MUC4: variants seen among roughly 807,000 people sequenced by gnomAD.
MUC4 encodes mucin 4, cell surface associated.
A neutral mutation model predicts 257.9 loss-of-function variants in MUC4; 202 were observed. The observed-to-expected ratio is 0.78, with a 90% CI of 0.70 to 0.88. The LOEUF (loss-of-function observed/expected upper bound fraction) is 0.88, where lower values mean the gene tolerates loss of function less well. Ranked by LOEUF, MUC4 falls within the 40% of genes least tolerant of loss-of-function variation. The pLI is 0.00. For missense variants in MUC4, 5,976 were observed against 6,513.7 expected (o/e 0.92, Z 2.84); for synonymous variants, 2,351 against 2,757.1 (o/e 0.85, Z 4.62).
rs752373440 is a variant in MUC4, at chr3:195,780,010, A to G, written c.11570T>C (p.Leu3857Pro). Reference sequence around the variant, plus strand: ...TGCTGAGGAAGGGCTAGTGACAGGAAGAGGCATGGTGTCACCTGTGGATAC... The same window carrying G: ...TGCTGAGGAAGGGCTAGTGACAGGAGGAGGCATGGTGTCACCTGTGGATAC... ...SSVSTGDTMP[L>P]PVTSPSSAST... The change falls in exon 2 of 25, where the codon CTT (leucine) becomes CCT (proline). Residue 3857 changes from leucine to proline, a missense_variant. Leu to Pro is a moderately conservative substitution (Grantham distance 98). Coordinates refer to ENST00000463781, the MANE Select transcript of MUC4 (RefSeq NM_018406.7). 6 of 1,350,638 alleles carry G rather than the reference A, an allele frequency of 4.4e-6. No homozygotes were observed. The highest frequency in any genetic ancestry group is 4.6e-5 in the Admixed American group (2 of 43,176). The allele number at this position is 1,350,638 out of a possible 1,614,324, so 83.7% of individuals were successfully genotyped here.
intron 13 of MUC4, 63 bp from the exon 14 acceptor site, chr3:195,762,317 C>T (rs1719172753): frequency 2.0e-6 from 3 of 1,488,288 alleles, no homozygotes; most frequent in Non-Finnish European, 1.8e-6. Flanking sequence ...ACCAAACCCG[C>T]GCCCTGCCGG....
At chr3:195,769,559 C>G (rs1183973638) in intron 6 of MUC4, 2 of 194,548 alleles carry the variant, frequency 1.0e-5, no homozygotes, top group East Asian at 2.5e-4. Flanking sequence ...TCCATCTAAA[C>G]AGCATGGATG....
At chr3:195,761,624 C>T (rs947916323) in intron 14 of MUC4, 39 bp from the exon 15 acceptor site, 4 of 1,494,002 alleles carry the variant, frequency 2.7e-6, no homozygotes, top group Non-Finnish European at 2.8e-6. Context: ...CCTGGGCACG[C>T]GGCTGTCCCC....
intron 3 of MUC4, among the ~76,000 whole-genome samples, chr3:195,775,096 C>A (rs1347412359): frequency 6.6e-6 from 1 of 152,000 alleles, no homozygotes; most frequent in East Asian, 1.9e-4. Flanking sequence ...ATATTTCTCG[C>A]AGCTGCCGAC....
At chr3:195,809,113 AC>A (rs1736369436) in intron 1 of MUC4, among the ~76,000 whole-genome samples, 1 of 152,022 alleles carries the variant, frequency 6.6e-6, no homozygotes, top group Admixed American at 6.5e-5. Flanking sequence ...GCCTGGGGCG[AC>A]CAGTAGACAC....
chr3:195,766,617 G>T (rs571995901), intron 8 of MUC4, 46 bp downstream of exon 8: 6 of 1,557,416 alleles, frequency 3.9e-6, no homozygotes, highest in Admixed American at 1.7e-5. Context: ...TGGAGGACAC[G>T]CGAGGGCTTG....
chr3:195,778,398 G>A lies in MUC4; in HGVS notation c.12848C>T (p.Pro4283Leu), dbSNP rs1329578778. Residue 4283 changes from proline (P) to leucine (L), a missense_variant, in exon 3 of 25, where the codon CCC becomes CTC. Physicochemically the swap from Pro to Leu is moderately conservative, Grantham distance 98 (BLOSUM62 -3). Coordinates refer to ENST00000463781, the MANE Select transcript of MUC4 (RefSeq NM_018406.7). ...DGGRRTATSP[P>L]PTTSQTIIST... ...AATGATGGTCTGGGAGGTTGTGGGG[G>A]GTGGTGATGTGGCTGTGCGTCTCCC... 6.2e-7 allele frequency: 1 copy of A among 1,613,234 alleles called. No individual in the cohort carries two copies. The highest frequency in any genetic ancestry group is 1.7e-5 in the Admixed American group (1 of 59,954).
chr3:195,808,757 C>T (rs571348550), intron 1 of MUC4, among the ~76,000 whole-genome samples: 1 of 152,310 alleles, frequency 6.6e-6, no homozygotes, highest in African/African-American at 2.4e-5. Flanking sequence ...CTGGCAGGAC[C>T]TCTTGTCCAG....
At position 195,759,261 on chromosome 3, in the gene MUC4, T is replaced by C; in HGVS notation, c.14849A>G (p.Asn4950Ser). Residue 4950 changes from asparagine (N) to serine (S), a missense_variant and splice_region_variant, in exon 17 of 25, where the codon AAT (asparagine) becomes AGT (serine). By Grantham distance (46) the Asn-to-Ser change is conservative. Coordinates refer to ENST00000463781, the MANE Select transcript of MUC4 (RefSeq NM_018406.7). ...ACCATTGATGGAGGGCGGGTACTGATCTGAAACACAAAGAGGGAATGGGGG... is the reference window on the plus strand; with the variant it reads ...ACCATTGATGGAGGGCGGGTACTGACCTGAAACACAAAGAGGGAATGGGGG... ...KNYEQANATL[N>S]QYPPSINGGR... 1 of 1,613,806 alleles carries C rather than the reference T, an allele frequency of 6.2e-7. No individual in the cohort carries two copies. The highest frequency in any genetic ancestry group is 8.5e-7 in the Non-Finnish European group (1 of 1,179,886).
chr3:195,755,051 C>T lies in MUC4; in HGVS notation c.15169-679G>A, dbSNP rs773099148. Reference sequence around the variant, plus strand: ...ATTTATTTTGAGACAGGGTCCCACTCGGTTGCCCAGGCTGGAGTGCAATGT... The same window carrying T: ...ATTTATTTTGAGACAGGGTCCCACTTGGTTGCCCAGGCTGGAGTGCAATGT... On this transcript the variant is annotated intron_variant, in intron 18 of 24. Coordinates refer to ENST00000463781, the MANE Select transcript of MUC4 (RefSeq NM_018406.7). The surrounding 1 kb of genome is among the most constrained non-coding windows in gnomAD (Gnocchi z 5.0). 1.3e-5 allele frequency among the ~76,000 whole-genome samples: 2 copies of T among 151,994 alleles called. No homozygotes were observed. The highest frequency in any genetic ancestry group is 2.9e-5 in the Non-Finnish European group (2 of 68,018).
intron 16 of MUC4, among the ~76,000 whole-genome samples, chr3:195,760,348 A>G (rs1718509468): frequency 6.6e-6 from 1 of 152,194 alleles, no homozygotes; most frequent in Non-Finnish European, 1.5e-5. Flanking sequence ...GTGGCTGTCC[A>G]GGGAAGGAAG....
rs867387682 is a variant in MUC4, at chr3:195,773,161, T to C, written c.13077+1011A>G. Among the ~76,000 whole-genome samples the C allele has an allele frequency of 1.3e-3, 176 of 133,500 alleles. 1 individual carries two copies. The highest frequency in any genetic ancestry group is 1.7e-3 in the Admixed American group (22 of 13,038). The allele number at this position is 133,500 out of a possible 152,430, so 87.6% of individuals were successfully genotyped here. A position where few individuals can be genotyped will look rare whatever the true frequency, so the allele number is the denominator to read the frequency against. On this transcript the variant is annotated intron_variant, in intron 4 of 24. Coordinates refer to ENST00000463781, the MANE Select transcript of MUC4 (RefSeq NM_018406.7). ...CCATCGCTCAGGGGTGTAGACACCC[T>C]CTCTCCATCGCTCAGGGGTGCAGAC...
At position 195,800,861 on chromosome 3, in the gene MUC4, C is replaced by A. The variant is rs935798976; in HGVS notation, c.83-9364G>T. On this transcript the variant is annotated intron_variant, in intron 1 of 24. Transcript: ENST00000463781. ...CTTGAGGCCAGGAGTTTGAGACCAG[C>A]CTGGGCAATAGCTCAAGACCCCTTC... 4.1e-5 allele frequency among the ~76,000 whole-genome samples: 6 copies of A among 145,878 alleles called. No homozygotes were observed. In the Admixed American group the frequency reaches 4.2e-4, roughly 10 times the overall value.
At chr3:195,800,070 G>A (rs1735101365) in intron 1 of MUC4, among the ~76,000 whole-genome samples, 1 of 152,092 alleles carries the variant, frequency 6.6e-6, no homozygotes, top group Admixed American at 6.6e-5. Flanking sequence ...TTGAGGTCAG[G>A]AGTTCAAGAC....
At chr3:195,770,783 C>A in intron 5 of MUC4, 1 of 446,988 alleles carries the variant, frequency 2.2e-6, no homozygotes, top group Non-Finnish European at 4.5e-6. Context: ...ACACTTCCTG[C>A]AGTAGCTTTC....
rs1578242164 is a variant in MUC4 at position 195,781,251 on chromosome 3, G to A, written c.10329C>T (p.Val3443=). The change falls in exon 2 of 25, where the codon GTC becomes GTT. Residue 3443 remains valine (V), a synonymous_variant. Coordinates refer to ENST00000463781, the MANE Select transcript of MUC4 (RefSeq NM_018406.7). ...CTGTAGATGCTGAGGAAGTGCTGGT[G>A]ACAGGAACAGGGGTGGCGTGACCGG... ...ASTGHATPVP[V]TSTSSASTGH... 2 of 1,492,702 alleles carry A rather than the reference G, an allele frequency of 1.3e-6. No individual in the cohort carries two copies. The highest frequency in any genetic ancestry group is 1.3e-5 in the South Asian group (1 of 79,922). 92.5% of individuals were successfully genotyped at this position (1,492,702 alleles called of 1,614,324 possible). A position where few individuals can be genotyped will look rare whatever the true frequency, so the allele number is the denominator to read the frequency against.
chr3:195,754,840 A>T lies in MUC4; in HGVS notation c.15169-468T>A, dbSNP rs990824300. Among the ~76,000 whole-genome samples, 64 of 149,854 alleles carry T rather than the reference A, an allele frequency of 4.3e-4. 1 individual carries two copies. Among genetic ancestry groups the T allele is most frequent in the Admixed American group, 8.0e-4 (12 of 15,068 alleles). On this transcript the variant is annotated intron_variant, in intron 18 of 24. Coordinates refer to ENST00000463781, the MANE Select transcript of MUC4 (RefSeq NM_018406.7). ...CATGTGTGTATCCATGTGTGTATGT[A>T]TCATGTATGTATCCATGTAGATATG...
chr3:195,790,771 G>A lies in MUC4; in HGVS notation c.809C>T (p.Thr270Ile), dbSNP rs1733761244. The A allele has an allele frequency of 1.2e-6, 2 of 1,613,924 alleles. No individual in the cohort carries two copies. The highest frequency in any genetic ancestry group is 1.7e-5 in the Admixed American group (1 of 60,008). Residue 270 changes from threonine to isoleucine, a missense_variant, in exon 2 of 25, where the codon ACA (threonine) becomes ATA (isoleucine). Physicochemically the swap from Thr to Ile is moderately conservative, Grantham distance 89. Around this residue, in one of 44 missense-constraint regions of MUC4, gnomAD observed 1,583 missense variants for 1,257.4 expected, o/e 1.26. Transcript: ENST00000463781. Reference sequence around the variant, plus strand: ...CCCTGGGTTTCCAAGAGTGGAGCCTGTGGAGGTTGTCACTGTTATCTTCTC... The same window carrying A: ...CCCTGGGTTTCCAAGAGTGGAGCCTATGGAGGTTGTCACTGTTATCTTCTC... ...TSEKITVTTS[T>I]GSTLGNPGET...
chr3:195,802,406 C>CACACCCCTGCTCTCAGCCTCCACT (rs1560418892), intron 1 of MUC4, among the ~76,000 whole-genome samples: 1 of 152,328 alleles, frequency 6.6e-6, no homozygotes, highest in East Asian at 1.9e-4. Flanking sequence ...CAGCCTCCAC[C>CACACCCCTGCTCTCAGCCTCCACT]GCACCCCTGT....
Sources: gnomAD v4.1 joint callset for allele counts (sites outside exome capture counted in the v4.1 genomes callset) on GRCh38, gnomAD v4.1.1 for gene constraint, gnomAD v4.1.1 regional missense constraint, Gnocchi (gnomAD v3.1) non-coding constraint, MANE v1.5 for transcripts, NCBI Gene and HGNC (gene_info 2026-07-23, HGNC 2026-07-21) for gene names.